S100A8: variants seen among roughly 807,000 people sequenced by gnomAD.
S100A8 encodes S100 calcium binding protein A8, also known as protein S100-A8.
S100A8 carries 1 observed loss-of-function variant against 4.2 expected under a neutral mutation model. That is an observed-to-expected ratio of 0.24 (90% CI 0.08 to 1.12). The LOEUF is 1.12. Ranked by LOEUF, S100A8 falls within the 50% of genes most tolerant of loss-of-function variation. S100A8 has a pLI of 0.53. For synonymous variants in S100A8, 41 were observed against 44.7 expected (o/e 0.92, Z 0.33); for missense variants, 96 against 111.8 (o/e 0.86, Z 0.64).
the S100A8 span, among the ~76,000 whole-genome samples, chr1:153,407,135 T>C: frequency 6.6e-6 from 1 of 152,150 alleles, no homozygotes; most frequent in Non-Finnish European, 1.5e-5. Context: ...ATACAGTGGA[T>C]GCAGCCCACA....
the S100A8 span, among the ~76,000 whole-genome samples, chr1:153,409,048 G>A: frequency 2.0e-5 from 3 of 152,322 alleles, no homozygotes; most frequent in East Asian, 5.8e-4. Flanking sequence ...GACCATTGAT[G>A]CTAGGAAGAA....
chr1:153,390,488 G>A lies in S100A8; in HGVS notation c.48C>T (p.Tyr16=), dbSNP rs765636951. 27 of 1,614,168 alleles carry A rather than the reference G, an allele frequency of 1.7e-5. No individual in the cohort carries two copies. The highest frequency in any genetic ancestry group is 2.3e-5 in the Non-Finnish European group (27 of 1,180,022). ...EKALNSIIDV[Y]HKYSLIKGNF... The stretch of plus-strand genomic sequence containing the variant: ...TCCCCTTTATCAGGGAGTACTTGTG[G>A]TAGACGTCGATGATAGAGTTCAAGG... The change falls in exon 2 of 3, where the codon TAC becomes TAT. Residue 16 remains tyrosine (Y), a synonymous_variant. Coordinates refer to ENST00000368733, the MANE Select transcript of S100A8 (RefSeq NM_002964.5).
At chr1:153,415,335 C>T in the S100A8 span, among the ~76,000 whole-genome samples, 1 of 152,084 alleles carries the variant, frequency 6.6e-6, no homozygotes, top group African/African-American at 2.4e-5. Context: ...AAATAGGTCC[C>T]ACCTAGGGAG....
At chr1:153,418,810 A>G in the S100A8 span, among the ~76,000 whole-genome samples, 1 of 152,200 alleles carries the variant, frequency 6.6e-6, no homozygotes, top group Non-Finnish European at 1.5e-5. Context: ...GCCCTGGGGT[A>G]GAACTAAGGT....
chr1:153,397,448 G>A, the S100A8 span, among the ~76,000 whole-genome samples: 2 of 152,220 alleles, frequency 1.3e-5, no homozygotes, highest in Non-Finnish European at 2.9e-5. Flanking sequence ...CGAGGCAGGC[G>A]GCCCAGATGT....
chr1:153,404,416 C>A, the S100A8 span, among the ~76,000 whole-genome samples: 3 of 152,136 alleles, frequency 2.0e-5, no homozygotes, highest in Non-Finnish European at 2.9e-5. Flanking sequence ...AGGGGTCCAC[C>A]AAGAGTCACC....
the S100A8 span, among the ~76,000 whole-genome samples, chr1:153,411,060 A>T: frequency 6.2e-4 from 95 of 152,318 alleles, no homozygotes; most frequent in Non-Finnish European, 8.8e-4. Flanking sequence ...TTCCCTTTGA[A>T]AACTGGTGCA....
the S100A8 span, among the ~76,000 whole-genome samples, chr1:153,410,356 A>T: frequency 2.0e-5 from 3 of 152,272 alleles, no homozygotes; most frequent in South Asian, 2.1e-4. Flanking sequence ...AAACACTTCT[A>T]TGCAAATAAG....
chr1:153,407,208 C>G, the S100A8 span, among the ~76,000 whole-genome samples: 1 of 152,346 alleles, frequency 6.6e-6, no homozygotes, highest in Admixed American at 6.5e-5. Context: ...CCAGGGAATA[C>G]TTTTCATAGC....
chr1:153,398,089 AG>A, the S100A8 span, among the ~76,000 whole-genome samples: 2 of 152,196 alleles, frequency 1.3e-5, no homozygotes, highest in African/African-American at 4.8e-5. Flanking sequence ...AAGTGACTGA[AG>A]AAGAGCCTTT....
upstream of S100A8, among the ~76,000 whole-genome samples, chr1:153,392,746 G>C (rs1662131256): frequency 6.6e-6 from 1 of 152,132 alleles, no homozygotes; most frequent in Admixed American, 6.5e-5. Context: ...GAGGCTGCTT[G>C]GGGTCCCTCT....
chr1:153,400,496 G>C, the S100A8 span, among the ~76,000 whole-genome samples: 2 of 152,176 alleles, frequency 1.3e-5, no homozygotes, highest in Admixed American at 6.5e-5. Context: ...CCAGAATGGG[G>C]CGCCAAAGGG....
upstream of S100A8, among the ~76,000 whole-genome samples, chr1:153,393,118 A>T (rs1426872554): frequency 1.3e-5 from 2 of 152,080 alleles, no homozygotes; most frequent in Non-Finnish European, 2.9e-5. Flanking sequence ...GTGACTCATG[A>T]TGTGATGTGA....
the S100A8 span, among the ~76,000 whole-genome samples, chr1:153,413,853 A>G: frequency 6.6e-6 from 1 of 152,210 alleles, no homozygotes; most frequent in African/African-American, 2.4e-5. Context: ...GCGAGCCAAG[A>G]TGACACCACT....
the S100A8 span, among the ~76,000 whole-genome samples, chr1:153,398,399 G>A: frequency 6.6e-6 from 1 of 152,136 alleles, no homozygotes; most frequent in African/African-American, 2.4e-5. Flanking sequence ...TGGTTAGGGG[G>A]GCCACCGCAG....
At chr1:153,391,146 G>A (rs1000325715), upstream of S100A8, 8 of 985,406 alleles carry the variant, frequency 8.1e-6, no homozygotes, top group Middle Eastern at 5.2e-4. Flanking sequence ...GGCCATCAGA[G>A]ACAGCTTCTC....
At chr1:153,406,067 C>T in the S100A8 span, among the ~76,000 whole-genome samples, 2 of 152,112 alleles carry the variant, frequency 1.3e-5, no homozygotes, top group South Asian at 2.1e-4. Context: ...TCCCTCTCAC[C>T]GTGGCTCCTG....
chr1:153,392,444 A>G (rs1662121857), upstream of S100A8, among the ~76,000 whole-genome samples: 1 of 152,212 alleles, frequency 6.6e-6, no homozygotes, highest in South Asian at 2.1e-4. Flanking sequence ...CAAATAAATA[A>G]ACACAGAATT....
chr1:153,398,066 C>G, the S100A8 span, among the ~76,000 whole-genome samples: 3 of 152,208 alleles, frequency 2.0e-5, no homozygotes, highest in African/African-American at 7.2e-5. Context: ...AGAGGCAAGG[C>G]TGGGGAGATG....
Sources: gnomAD v4.1 joint callset for allele counts (sites outside exome capture counted in the v4.1 genomes callset) on GRCh38, gnomAD v4.1.1 for gene constraint, MANE v1.5 for transcripts, NCBI Gene and HGNC (gene_info 2026-07-23, HGNC 2026-07-21) for gene names.